The following SUGCT variants were observed in gnomAD, a reference collection of about 807,000 sequenced individuals.
The protein encoded by SUGCT is succinyl-CoA:glutarate CoA-transferase.
In SUGCT, 41 loss-of-function variants were observed where a neutral mutation model predicts 55.0. The ratio of observed to expected loss-of-function variants is 0.74; its 90% CI spans 0.58 to 0.97. SUGCT has a LOEUF of 0.97. Among genes scored for constraint, SUGCT ranks in the 50% least tolerant of loss-of-function variants. SUGCT has a pLI of 0.00. For synonymous variants in SUGCT, 187 were observed against 200.4 expected (o/e 0.93, Z 0.56); for missense variants, 568 against 547.8 (o/e 1.04, Z -0.37).
chr7:40,887,733 T>A, the SUGCT span, among the ~76,000 whole-genome samples: 1 of 152,202 alleles, frequency 6.6e-6, no homozygotes, highest in Non-Finnish European at 1.5e-5. Flanking sequence ...GTGGGAGGGC[T>A]GAGCTTCCTG....
the SUGCT span, among the ~76,000 whole-genome samples, chr7:41,007,549 C>T: frequency 1.3e-5 from 2 of 152,294 alleles, no homozygotes; most frequent in South Asian, 4.1e-4. Context: ...GGCACTTCAT[C>T]TAATTTCTCT....
chr7:40,544,385 G>A (rs1263179007), intron 12 of SUGCT, among the ~76,000 whole-genome samples: 2 of 152,134 alleles, frequency 1.3e-5, no homozygotes, highest in Non-Finnish European at 2.9e-5. Context: ...TTTCTTTAGA[G>A]ACATCCACAC....
rs539267721 is a variant in SUGCT at position 40,444,999 on chromosome 7, T to C, written c.817-4288T>C. On this transcript the variant is annotated intron_variant, in intron 9 of 13. Coordinates refer to ENST00000335693, the MANE Select transcript of SUGCT (RefSeq NM_001193313.2). ...GAGGTAATCATGTGGTTTTTGTCTTTGCTTCTCTTTATGTGATGGATTATG... is the reference window on the plus strand; with the variant it reads ...GAGGTAATCATGTGGTTTTTGTCTTCGCTTCTCTTTATGTGATGGATTATG... Among the ~76,000 whole-genome samples, 3 of 152,320 alleles carry C rather than the reference T, an allele frequency of 2.0e-5. No homozygotes were observed. The East Asian group carries it at 5.8e-4, about 29-fold the overall frequency.
chr7:40,543,174 AT>A (rs1441385119), intron 12 of SUGCT, among the ~76,000 whole-genome samples: 5 of 152,120 alleles, frequency 3.3e-5, no homozygotes, highest in Admixed American at 3.3e-4. Flanking sequence ...CTCCCTTGCT[AT>A]TTACACTTCA....
intron 7 of SUGCT, among the ~76,000 whole-genome samples, chr7:40,249,313 C>CTATCTATCTATATATATCTATATA (rs1324264789): frequency 5.0e-5 from 4 of 79,516 alleles, no homozygotes; most frequent in African/African-American, 2.2e-4. Context: ...CACCAAAAAG[C>CTATCTATCTATATATATCTATATA]TATATATATA....
chr7:40,976,838 T>C, the SUGCT span, among the ~76,000 whole-genome samples: 1 of 152,184 alleles, frequency 6.6e-6, no homozygotes, highest in African/African-American at 2.4e-5. Flanking sequence ...ACACTACCTC[T>C]CTAACAGGCT....
At chr7:40,272,141 CATATATATATAT>C (rs58480323) in intron 7 of SUGCT, among the ~76,000 whole-genome samples, 955 of 46,530 alleles carry the variant, frequency 0.021, 21 homozygotes, top group East Asian at 0.064. Flanking sequence ...TGCAATGTGA[CATATATATATAT>C]ATATATATAT....
intron 1 of SUGCT, among the ~76,000 whole-genome samples, chr7:40,147,071 ACT>A (rs1024235570): frequency 2.5e-5 from 3 of 121,154 alleles, no homozygotes; most frequent in South Asian, 2.8e-4. Context: ...CTTTCTCCTC[ACT>A]CTCTCTCTCT....
chr7:40,234,452 A>G (rs1220782367), intron 6 of SUGCT, among the ~76,000 whole-genome samples: 1 of 152,246 alleles, frequency 6.6e-6, no homozygotes, highest in Non-Finnish European at 1.5e-5. Context: ...TTATTTCTGC[A>G]CAGAGAATGT....
rs1785770816 is a variant in SUGCT at position 40,712,353 on chromosome 7, GC to G, written c.1090-37079del. Among the ~76,000 whole-genome samples the G allele has an allele frequency of 5.9e-5, 9 of 152,258 alleles. No homozygotes were observed. The South Asian group carries it at 1.9e-3, about 32-fold the overall frequency. ...AGAACAGATTCAGCTGTATTTTCTA[GC>G]CAAATAAAGCATATTGTGTTGTTGC... On this transcript the variant is annotated intron_variant, in intron 12 of 13. Transcript: ENST00000335693.
chr7:40,158,104 G>A (rs1486074965), intron 1 of SUGCT, among the ~76,000 whole-genome samples: 1 of 152,074 alleles, frequency 6.6e-6, no homozygotes, highest in East Asian at 1.9e-4. Context: ...CTACTCAGGA[G>A]GCTGAGGCAG....
At position 40,847,411 on chromosome 7, in the gene SUGCT, CTTTTT is replaced by C. The variant is rs981613426; in HGVS notation, c.1154-12886_1154-12882del. ...ACATATACATTTCTTTTCTTTCTTT[CTTTTT>C]TTTTTTTTTTTTTTTTTTGAGATGG... On this transcript the variant is annotated intron_variant, in intron 13 of 13. Transcript: ENST00000335693. Among the ~76,000 whole-genome samples, 83 of 75,380 alleles carry C rather than the reference CTTTTT, an allele frequency of 1.1e-3. No homozygotes were observed. The East Asian group carries it at 0.033, about 30-fold the overall frequency. The allele number at this position is 75,380 out of a possible 152,430, so 49.5% of individuals were successfully genotyped here.
intron 12 of SUGCT, among the ~76,000 whole-genome samples, chr7:40,654,596 T>A (rs1242838958): frequency 1.3e-5 from 2 of 152,232 alleles, no homozygotes; most frequent in Non-Finnish European, 2.9e-5. Flanking sequence ...GTCTTGCATG[T>A]CATTTAAATA....
At chr7:40,204,067 C>T (rs1204948341) in intron 6 of SUGCT, among the ~76,000 whole-genome samples, 2 of 151,808 alleles carry the variant, frequency 1.3e-5, no homozygotes, top group African/African-American at 4.8e-5. Context: ...TAGCTCACTA[C>T]AGCTTTGACT....
At chr7:40,986,771 A>T in the SUGCT span, among the ~76,000 whole-genome samples, 2 of 152,140 alleles carry the variant, frequency 1.3e-5, no homozygotes, top group East Asian at 3.9e-4. Flanking sequence ...CAGCACTGTC[A>T]TTTCTCATCA....
At chr7:40,144,813 T>C (rs1207096939) in intron 1 of SUGCT, among the ~76,000 whole-genome samples, 1 of 152,204 alleles carries the variant, frequency 6.6e-6, no homozygotes, top group African/African-American at 2.4e-5. Flanking sequence ...GAAAGCCAAA[T>C]ACCATTTTAT....
intron 12 of SUGCT, among the ~76,000 whole-genome samples, chr7:40,575,154 T>C (rs1032532502): frequency 2.0e-5 from 3 of 150,486 alleles, no homozygotes; most frequent in Admixed American, 6.6e-5. Context: ...AGTTTTGGAG[T>C]AAATTCTTCG....
chr7:40,209,697 G>A (rs924376631), intron 6 of SUGCT, among the ~76,000 whole-genome samples: 1 of 152,010 alleles, frequency 6.6e-6, no homozygotes, highest in African/African-American at 2.4e-5. Context: ...GTGGGATGCT[G>A]AGGCAGGATA....
intron 6 of SUGCT, among the ~76,000 whole-genome samples, chr7:40,209,880 G>T (rs974921739): frequency 6.6e-6 from 1 of 152,186 alleles, no homozygotes; most frequent in Middle Eastern, 3.4e-3. Flanking sequence ...TTTGGCCCAA[G>T]TTTTTCTAGG....
Sources: allele counts gnomAD v4.1 joint callset (sites outside exome capture counted in the v4.1 genomes callset), GRCh38; gene constraint gnomAD v4.1.1; transcripts MANE v1.5; gene names NCBI Gene and HGNC (gene_info 2026-07-23, HGNC 2026-07-21).